The following DGKB variants were observed in gnomAD, a reference collection of about 807,000 sequenced individuals.
The protein encoded by DGKB is diacylglycerol kinase beta.
Under a neutral mutation model 114.3 loss-of-function variants are expected in DGKB, and 67 were observed. The observed-to-expected ratio is 0.59, with a 90% CI of 0.48 to 0.72. The LOEUF is 0.72. Among genes scored for constraint, DGKB ranks in the 30% least tolerant of loss-of-function variants. The pLI is 0.00. For synonymous variants in DGKB, 398 were observed against 323.1 expected (o/e 1.23, Z -2.49); for missense variants, 907 against 975.2 (o/e 0.93, Z 0.93).
At chr7:14,490,668 G>A (rs1351388101) in intron 20 of DGKB, among the ~76,000 whole-genome samples, 2 of 152,274 alleles carry the variant, frequency 1.3e-5, no homozygotes, top group African/African-American at 4.8e-5. Flanking sequence ...TCTTCCAGTT[G>A]TCCTGGGAAA....
chr7:14,705,143 A>G (rs890761930), intron 6 of DGKB, among the ~76,000 whole-genome samples: 9 of 152,048 alleles, frequency 5.9e-5, no homozygotes, highest in African/African-American at 2.2e-4. Context: ...TGGAGCTGAA[A>G]ACCAAGGCTC....
chr7:14,182,153 T>C, intron 23 of DGKB, among the ~76,000 whole-genome samples: 1 of 152,136 alleles, frequency 6.6e-6, no homozygotes, highest in East Asian at 1.9e-4. Context: ...GAAAAGATAA[T>C]ACGTTTTAAT....
At chr7:14,539,272 CATTA>C (rs1009671997) in intron 20 of DGKB, among the ~76,000 whole-genome samples, 2 of 152,068 alleles carry the variant, frequency 1.3e-5, no homozygotes, top group African/African-American at 4.8e-5. Flanking sequence ...CACCAAATTT[CATTA>C]ATTATGTGTG....
intron 20 of DGKB, among the ~76,000 whole-genome samples, chr7:14,507,125 T>C (rs1053522905): frequency 6.6e-6 from 1 of 152,158 alleles, no homozygotes; most frequent in Non-Finnish European, 1.5e-5. Context: ...TGTTAAGCCA[T>C]AGAGATTTGA....
At position 14,885,248 on chromosome 7, in the gene DGKB, A is replaced by G. The variant is rs116501647; in HGVS notation, c.-188+17344T>C. 1.2e-3 allele frequency among the ~76,000 whole-genome samples: 181 copies of G among 152,110 alleles called. 2 individuals carry two copies. Among genetic ancestry groups the G allele is most frequent in the African/African-American group, 3.9e-3 (161 of 41,548 alleles). On this transcript the variant is annotated intron_variant, in intron 1 of 25. Transcript: ENST00000402815. ...GCAATCACTTATTCTCAAATATTGT[A>G]TAACTATGGGCACTACACAAATAAA... is the stretch of plus-strand genomic sequence containing the variant.
chr7:14,896,249 G>A (rs1300383328), intron 1 of DGKB, among the ~76,000 whole-genome samples: 3 of 151,658 alleles, frequency 2.0e-5, no homozygotes, highest in Non-Finnish European at 4.4e-5. Context: ...AAGAATGAAA[G>A]ACCTTTCCTC....
At chr7:14,780,514 C>T (rs1838917332) in intron 2 of DGKB, among the ~76,000 whole-genome samples, 1 of 152,182 alleles carries the variant, frequency 6.6e-6, no homozygotes, top group Non-Finnish European at 1.5e-5. Context: ...TTCTATGCCA[C>T]TTGGAGAATG....
At chr7:14,398,035 A>T (rs1331061358) in intron 21 of DGKB, among the ~76,000 whole-genome samples, 1 of 152,118 alleles carries the variant, frequency 6.6e-6, no homozygotes, top group African/African-American at 2.4e-5. Context: ...AACACTCAGC[A>T]TCAATATAAA....
At chr7:14,370,395 T>A (rs1346695499) in intron 21 of DGKB, among the ~76,000 whole-genome samples, 3 of 152,156 alleles carry the variant, frequency 2.0e-5, no homozygotes, top group African/African-American at 7.2e-5. Context: ...CTTAGAATTG[T>A]CTGGGCTATA....
At chr7:14,392,450 T>C (rs536833808) in intron 21 of DGKB, among the ~76,000 whole-genome samples, 6 of 152,312 alleles carry the variant, frequency 3.9e-5, no homozygotes, top group African/African-American at 1.2e-4. Context: ...CTCATAATTA[T>C]CAGTGAATGG....
At chr7:14,573,710 G>T (rs1016318015) in intron 20 of DGKB, among the ~76,000 whole-genome samples, 3 of 152,044 alleles carry the variant, frequency 2.0e-5, no homozygotes, top group South Asian at 2.1e-4. Flanking sequence ...GATTCTAAAA[G>T]AAATGAAATG....
intron 9 of DGKB, among the ~76,000 whole-genome samples, chr7:14,687,748 T>G (rs1487328521): frequency 6.6e-6 from 1 of 152,218 alleles, no homozygotes; most frequent in Non-Finnish European, 1.5e-5. Context: ...CTTGTAATTC[T>G]TGTCGTTTTA....
At chr7:14,182,220 T>A (rs1782733369) in intron 23 of DGKB, among the ~76,000 whole-genome samples, 1 of 151,816 alleles carries the variant, frequency 6.6e-6, no homozygotes, top group Non-Finnish European at 1.5e-5. Flanking sequence ...CACATTAAAT[T>A]TTATTTTTTT....
At chr7:14,897,604 G>T (rs892651523) in intron 1 of DGKB, among the ~76,000 whole-genome samples, 1 of 151,726 alleles carries the variant, frequency 6.6e-6, no homozygotes, top group Non-Finnish European at 1.5e-5. Flanking sequence ...CCTGAAACCA[G>T]AAAATAGGTA....
At position 14,444,487 on chromosome 7, in the gene DGKB, C is replaced by T. The variant is rs536141633; in HGVS notation, c.1835+33674G>A. On this transcript the variant is annotated intron_variant, in intron 21 of 25. Coordinates refer to ENST00000402815, the MANE Select transcript of DGKB (RefSeq NM_001350709.2). ...AGGTGGATGAATAAGAATTCATATG[C>T]GGTCTCCAACAGTTACAAGTTTTGT... 2.6e-5 allele frequency among the ~76,000 whole-genome samples: 4 copies of T among 151,838 alleles called. No homozygotes were observed. In the East Asian group the frequency reaches 7.7e-4, roughly 29 times the overall value.
rs1369146931 is a variant in DGKB, at chr7:14,176,467, G to T, written c.2304+372C>A. 4 of 994,566 alleles carry T rather than the reference G, an allele frequency of 4.0e-6. No homozygotes were observed. In the Admixed American group the frequency reaches 1.8e-4, roughly 45 times the overall value. The allele number at this position is 994,566 out of a possible 1,614,324, so 61.6% of individuals were successfully genotyped here. A position where few individuals can be genotyped will look rare whatever the true frequency, so the allele number is the denominator to read the frequency against. On this transcript the variant is annotated intron_variant, in intron 25 of 25. Coordinates refer to ENST00000402815, the MANE Select transcript of DGKB (RefSeq NM_001350709.2). The stretch of plus-strand genomic sequence containing the variant: ...GAAATAAGTTCACATATAAGCTTAG[G>T]TCTGCATTTCTTGCAAATAATATTC...
chr7:14,945,040 CA>C (rs1231970342), intron 1 of DGKB, among the ~76,000 whole-genome samples: 1 of 151,606 alleles, frequency 6.6e-6, no homozygotes, highest in African/African-American at 2.4e-5. Context: ...AGGACATATA[CA>C]TGTGTTTATA....
rs558084010 is a variant in DGKB, at chr7:14,249,590, T to C, written c.2123-71439A>G. Among the ~76,000 whole-genome samples the C allele has an allele frequency of 8.8e-4, 134 of 152,284 alleles. 1 individual carries two copies. Among genetic ancestry groups the C allele is most frequent in the Middle Eastern group, 6.8e-3 (2 of 294 alleles). The stretch of plus-strand genomic sequence containing the variant: ...GGTAGAGTGTGTGTTCCTAGAAATT[T>C]AACCATTTTTTCAAGGTTATCTAAT... On this transcript the variant is annotated intron_variant, in intron 23 of 25. Transcript: ENST00000402815.
At chr7:14,372,129 T>C (rs923837472) in intron 21 of DGKB, among the ~76,000 whole-genome samples, 6 of 152,150 alleles carry the variant, frequency 3.9e-5, no homozygotes, top group African/African-American at 7.2e-5. Context: ...ATGCTCTTCC[T>C]TGGTCTAGGT....
Sources: gnomAD v4.1 joint callset for allele counts (sites outside exome capture counted in the v4.1 genomes callset) on GRCh38, gnomAD v4.1.1 for gene constraint, MANE v1.5 for transcripts, NCBI Gene and HGNC (gene_info 2026-07-23, HGNC 2026-07-21) for gene names.